ATP6V1H: variants seen among roughly 807,000 people sequenced by gnomAD.
ATP6V1H encodes ATPase H+ transporting V1 subunit H, also known as V-type proton ATPase subunit H.
In ATP6V1H, 39 loss-of-function variants were observed where a neutral mutation model predicts 71.7. The observed-to-expected ratio is 0.54, with a 90% CI of 0.42 to 0.71. ATP6V1H has a LOEUF of 0.71. ATP6V1H is among the 30% of genes least tolerant of loss of function. The pLI is 0.00. For missense variants in ATP6V1H, 509 were observed against 594.9 expected (o/e 0.86, Z 1.50); for synonymous variants, 192 against 199.3 (o/e 0.96, Z 0.31).
intron 13 of ATP6V1H, among the ~76,000 whole-genome samples, chr8:53,725,321 T>A (rs1187543813): frequency 6.6e-6 from 1 of 151,844 alleles, no homozygotes; most frequent in African/African-American, 2.4e-5. Flanking sequence ...CTCTACAGAG[T>A]CCTCACCAAC....
intron 4 of ATP6V1H, among the ~76,000 whole-genome samples, chr8:53,825,440 T>C (rs1346639867): frequency 3.3e-5 from 5 of 149,958 alleles, no homozygotes; most frequent in Non-Finnish European, 5.9e-5. Context: ...TTCCATTTCA[T>C]ACAAAAAAAA....
rs561169408 is a variant in ATP6V1H, at chr8:53,815,725, C to T, written c.421-959G>A. On this transcript the variant is annotated intron_variant, in intron 5 of 13. Transcript: ENST00000359530. ...CTAGTTTAAACTCATCTTACTGTCA[C>T]AAAATAGACAACTGACTTAAAAAGA... 3.3e-5 allele frequency among the ~76,000 whole-genome samples: 5 copies of T among 152,224 alleles called. No individual in the cohort carries two copies. In the South Asian group the frequency reaches 8.3e-4, roughly 25 times the overall value.
Position 53,841,615 on chromosome 8 carries a change from C to T in ATP6V1H, c.76G>A (p.Val26Ile). 1.2e-6 allele frequency: 2 copies of T among 1,614,160 alleles called. No individual in the cohort carries two copies. Among genetic ancestry groups the T allele is most frequent in the Non-Finnish European group, 1.7e-6 (2 of 1,180,010 alleles). ...TGCCAGTTGACTTTGTTTGCACGAA[C>T]TTCTGCAGCCTTGGCAGCAATAATA... The part of the protein sequence containing the change: ...TNIIAAKAAE[V>I]RANKVNWQSY... Residue 26 changes from valine to isoleucine, a missense_variant, in exon 2 of 14, where the codon GTT becomes ATT. Transcript: ENST00000359530.
At chr8:53,775,310 A>T (rs1488253370) in intron 9 of ATP6V1H, among the ~76,000 whole-genome samples, 2 of 152,212 alleles carry the variant, frequency 1.3e-5, no homozygotes, top group Non-Finnish European at 2.9e-5. Context: ...CAGTAGCAAG[A>T]TTTATTGCAA....
intron 13 of ATP6V1H, among the ~76,000 whole-genome samples, chr8:53,733,612 G>C (rs1807102741): frequency 1.3e-5 from 2 of 152,202 alleles, no homozygotes; most frequent in Non-Finnish European, 2.9e-5. Context: ...CGCAGCCTAG[G>C]ATCAGAAAGA....
At chr8:53,733,763 C>T (rs779451389) in intron 13 of ATP6V1H, among the ~76,000 whole-genome samples, 7 of 152,122 alleles carry the variant, frequency 4.6e-5, no homozygotes, top group African/African-American at 7.2e-5. Context: ...CAAAGGGAGG[C>T]GACCACGAAC....
intron 13 of ATP6V1H, among the ~76,000 whole-genome samples, chr8:53,726,064 AAACATT>A (rs143273022): frequency 0.094 from 14,372 of 152,208 alleles, 1,093 homozygotes; most frequent in East Asian, 0.41. Context: ...ATTCCATTAA[AAACATT>A]AATACAAGCC....
intron 13 of ATP6V1H, among the ~76,000 whole-genome samples, chr8:53,725,313 C>CTG (rs1320260442): frequency 1.3e-5 from 2 of 152,116 alleles, no homozygotes; most frequent in Non-Finnish European, 2.9e-5. Flanking sequence ...CCGTGGGACT[C>CTG]TACAGAGTCC....
chr8:53,762,580 TAATG>T (rs1808305530), intron 11 of ATP6V1H, among the ~76,000 whole-genome samples: 1 of 150,260 alleles, frequency 6.7e-6, no homozygotes, highest in Non-Finnish European at 1.5e-5. Context: ...AGACAGAAAA[TAATG>T]AACAGCAATT....
At chr8:53,744,747 G>A (rs1807541996) in intron 12 of ATP6V1H, among the ~76,000 whole-genome samples, 1 of 152,174 alleles carries the variant, frequency 6.6e-6, no homozygotes, top group African/African-American at 2.4e-5. Context: ...AGAACATAAT[G>A]TAACTATCAT....
intron 9 of ATP6V1H, among the ~76,000 whole-genome samples, chr8:53,778,375 T>A (rs1476982717): frequency 6.6e-6 from 1 of 152,212 alleles, no homozygotes; most frequent in African/African-American, 2.4e-5. Flanking sequence ...TTCTGAAATA[T>A]ACAGTAGATT....
chr8:53,745,987 G>C (rs1245973946), intron 12 of ATP6V1H, among the ~76,000 whole-genome samples: 2 of 152,128 alleles, frequency 1.3e-5, no homozygotes, highest in Non-Finnish European at 2.9e-5. Flanking sequence ...GAATAATGAG[G>C]ACCAAATACA....
Position 53,761,262 on chromosome 8 carries a change from A to G in ATP6V1H, c.1176-4606T>C, listed in dbSNP as rs550030506. On this transcript the variant is annotated intron_variant, in intron 11 of 13. Coordinates refer to ENST00000359530, the MANE Select transcript of ATP6V1H (RefSeq NM_015941.4). ...TGAGGCAGGAGAATGGCGTGAACCC[A>G]GGAGGTGGAGCTTGCAGTGAGCCGA... Among the ~76,000 whole-genome samples, 14 of 151,830 alleles carry G rather than the reference A, an allele frequency of 9.2e-5. No individual in the cohort carries two copies. In the East Asian group the frequency reaches 2.5e-3, roughly 27 times the overall value.
chr8:53,819,547 C>CAAAT (rs1810564738), intron 4 of ATP6V1H, among the ~76,000 whole-genome samples: 1 of 35,138 alleles, frequency 2.8e-5, no homozygotes, highest in Non-Finnish European at 4.7e-5. Flanking sequence ...AAAAAAAAAG[C>CAAAT]ATATATATAT....
chr8:53,836,789 A>G (rs1224348132), intron 2 of ATP6V1H, among the ~76,000 whole-genome samples: 2 of 152,222 alleles, frequency 1.3e-5, no homozygotes, highest in Non-Finnish European at 2.9e-5. Flanking sequence ...TAAAACCTAT[A>G]TAATCATGCA....
intron 8 of ATP6V1H, among the ~76,000 whole-genome samples, chr8:53,798,150 T>C (rs747874837): frequency 1.3e-5 from 2 of 152,364 alleles, no homozygotes; most frequent in Non-Finnish European, 2.9e-5. Flanking sequence ...AACAGTGTTG[T>C]ATTATGTATA....
intron 2 of ATP6V1H, among the ~76,000 whole-genome samples, chr8:53,835,568 A>G (rs1357690760): frequency 6.6e-6 from 1 of 152,236 alleles, no homozygotes; most frequent in Non-Finnish European, 1.5e-5. Flanking sequence ...ATTGTTTTGT[A>G]TAGTTCAAAT....
At chr8:53,766,825 A>G (rs1808489065) in intron 11 of ATP6V1H, among the ~76,000 whole-genome samples, 1 of 152,222 alleles carries the variant, frequency 6.6e-6, no homozygotes, top group South Asian at 2.1e-4. Flanking sequence ...GTCTCCTGAT[A>G]AGATGTTATC....
intron 11 of ATP6V1H, among the ~76,000 whole-genome samples, chr8:53,757,443 G>A (rs980173200): frequency 6.6e-6 from 1 of 152,176 alleles, no homozygotes; most frequent in Non-Finnish European, 1.5e-5. Flanking sequence ...CCTTCCTCAT[G>A]TGTGCAAGCA....
Sources: allele counts gnomAD v4.1 joint callset (sites outside exome capture counted in the v4.1 genomes callset), GRCh38; gene constraint gnomAD v4.1.1; transcripts MANE v1.5; gene names NCBI Gene and HGNC (gene_info 2026-07-23, HGNC 2026-07-21).